The following XKR9 variants were observed in gnomAD, a reference collection of about 807,000 sequenced individuals.
XKR9 encodes XK related 9.
In XKR9, 32 loss-of-function variants were observed where a neutral mutation model predicts 32.0. That is an observed-to-expected ratio of 1.00 (90% confidence interval 0.76 to 1.34). XKR9 has a LOEUF of 1.34. Among genes scored for constraint, XKR9 ranks in the 40% most tolerant of loss-of-function variants. XKR9 has a pLI of 0.00. For missense variants in XKR9, 546 were observed against 429.7 expected, an observed-to-expected ratio of 1.27 and a Z score of -2.39; for synonymous variants, 168 against 143.4, an observed-to-expected ratio of 1.17 and a Z score of -1.22.
the XKR9 span, among the ~76,000 whole-genome samples, chr8:71,054,827 C>G: frequency 6.6e-6 from 1 of 152,048 alleles, no homozygotes; most frequent in Non-Finnish European, 1.5e-5. Flanking sequence ...AGCAACTCTG[C>G]GCAGGTGTTG....
At chr8:70,836,587 A>T in the XKR9 span, among the ~76,000 whole-genome samples, 2 of 152,080 alleles carry the variant, frequency 1.3e-5, no homozygotes, top group Non-Finnish European at 2.9e-5. Flanking sequence ...AAAATGATTT[A>T]AAAAATCCAT....
At chr8:70,906,250 G>C in the XKR9 span, among the ~76,000 whole-genome samples, 2 of 152,210 alleles carry the variant, frequency 1.3e-5, no homozygotes, top group Admixed American at 6.5e-5. Context: ...AGGCAGGCAG[G>C]CCTCCTTGAG....
intron 2 of XKR9, among the ~76,000 whole-genome samples, chr8:70,763,340 T>C (rs1807332616): frequency 6.6e-6 from 1 of 152,170 alleles, no homozygotes; most frequent in South Asian, 2.1e-4. Context: ...TTTTGGCCTT[T>C]GTAGAATAGA....
chr8:70,700,543 G>A (rs1390914877), intron 3 of XKR9, among the ~76,000 whole-genome samples: 1 of 152,180 alleles, frequency 6.6e-6, no homozygotes, highest in African/African-American at 2.4e-5. Flanking sequence ...TCCTCTGGAA[G>A]TTTTGTCTCA....
At chr8:71,059,807 G>A in the XKR9 span, among the ~76,000 whole-genome samples, 2 of 152,290 alleles carry the variant, frequency 1.3e-5, no homozygotes, top group South Asian at 4.1e-4. Flanking sequence ...GATCGTTCCT[G>A]TGGTCTCCAT....
At chr8:70,993,024 T>G in the XKR9 span, among the ~76,000 whole-genome samples, 1 of 152,362 alleles carries the variant, frequency 6.6e-6, no homozygotes, top group South Asian at 2.1e-4. Context: ...AGTTATTACC[T>G]TTGTGTCTCT....
chr8:70,881,983 A>G, the XKR9 span, among the ~76,000 whole-genome samples: 1 of 152,160 alleles, frequency 6.6e-6, no homozygotes, highest in Non-Finnish European at 1.5e-5. Context: ...TGAAGCTGGA[A>G]ACCATCATTC....
At chr8:70,726,309 G>A (rs527852015) in intron 4 of XKR9, among the ~76,000 whole-genome samples, 40 of 152,286 alleles carry the variant, frequency 2.6e-4, no homozygotes, top group African/African-American at 8.7e-4. Context: ...CAGATCATCC[G>A]CGTCAATTCA....
chr8:70,751,449 A>G (rs976941081), intron 2 of XKR9, among the ~76,000 whole-genome samples: 7 of 152,102 alleles, frequency 4.6e-5, no homozygotes, highest in African/African-American at 1.2e-4. Context: ...TTAGGTGTCA[A>G]CTTGACTGGG....
At chr8:70,704,612 A>T (rs1273576864) in intron 3 of XKR9, among the ~76,000 whole-genome samples, 1 of 152,160 alleles carries the variant, frequency 6.6e-6, no homozygotes, top group Non-Finnish European at 1.5e-5. Flanking sequence ...GCATTATTAG[A>T]GTCTTGCATT....
At chr8:71,029,475 A>G in the XKR9 span, among the ~76,000 whole-genome samples, 1 of 152,160 alleles carries the variant, frequency 6.6e-6, no homozygotes, top group African/African-American at 2.4e-5. Context: ...TGGAACCTAG[A>G]TGGTATTTCA....
At chr8:70,898,456 A>T in the XKR9 span, among the ~76,000 whole-genome samples, 2 of 152,112 alleles carry the variant, frequency 1.3e-5, no homozygotes, top group Non-Finnish European at 2.9e-5. Flanking sequence ...TCTGTGACGA[A>T]TGTCTTTGGT....
At chr8:70,768,223 G>A (rs1807404633) in intron 2 of XKR9, among the ~76,000 whole-genome samples, 1 of 152,166 alleles carries the variant, frequency 6.6e-6, no homozygotes, top group South Asian at 2.1e-4. Flanking sequence ...CCATGTAGTT[G>A]TGTGGTTTTG....
At chr8:70,905,038 C>A in the XKR9 span, among the ~76,000 whole-genome samples, 2 of 152,232 alleles carry the variant, frequency 1.3e-5, no homozygotes, top group African/African-American at 4.8e-5. Flanking sequence ...ACCTTTCTCT[C>A]TGGCTGCCCT....
At chr8:70,717,334 G>A (rs547023722) in intron 4 of XKR9, among the ~76,000 whole-genome samples, 25 of 152,308 alleles carry the variant, frequency 1.6e-4, no homozygotes, top group Non-Finnish European at 3.2e-4. Flanking sequence ...CCCTAGCAGA[G>A]GTTCTCAATT....
chr8:70,799,914 G>C, the XKR9 span, among the ~76,000 whole-genome samples: 1 of 152,148 alleles, frequency 6.6e-6, no homozygotes, highest in Admixed American at 6.5e-5. Context: ...TAGGAGTGGT[G>C]AAAGAGGACA....
intron 3 of XKR9, among the ~76,000 whole-genome samples, chr8:70,691,697 C>T (rs1217359719): frequency 2.0e-5 from 3 of 152,002 alleles, no homozygotes; most frequent in African/African-American, 7.2e-5. Context: ...TTGTTTTTGT[C>T]AGCTTTGTCA....
At chr8:70,705,934 A>G (rs1805703821) in intron 3 of XKR9, among the ~76,000 whole-genome samples, 2 of 152,106 alleles carry the variant, frequency 1.3e-5, no homozygotes, top group Non-Finnish European at 1.5e-5. Flanking sequence ...ATATATTTGA[A>G]GTTAGAACCA....
downstream of XKR9, among the ~76,000 whole-genome samples, chr8:70,740,546 T>C (rs1586877664): frequency 6.6e-6 from 1 of 150,680 alleles, no homozygotes; most frequent in Admixed American, 6.6e-5. Context: ...GTGCTCTGCT[T>C]TTTAGAGTTT....
Sources: gnomAD v4.1 joint callset for allele counts (sites outside exome capture counted in the v4.1 genomes callset) on GRCh38, gnomAD v4.1.1 for gene constraint, MANE v1.5 for transcripts, NCBI Gene and HGNC (gene_info 2026-07-23, HGNC 2026-07-21) for gene names.